Variants in GOLPH3L observed in about 807,000 individuals in gnomAD.
GOLPH3L encodes Golgi phosphoprotein 3-like.
A neutral mutation model predicts 30.3 loss-of-function variants in GOLPH3L; 22 were observed. The ratio of observed to expected loss-of-function variants is 0.73; its 90% CI spans 0.52 to 1.04. GOLPH3L has a LOEUF of 1.04. Ranked by LOEUF, GOLPH3L falls within the 50% of genes least tolerant of loss-of-function variation. The pLI is 0.00. For missense variants in GOLPH3L, 303 were observed against 345.8 expected (o/e 0.88, Z 0.98); for synonymous variants, 120 against 128.2 (o/e 0.94, Z 0.43).
At chr1:150,676,560 A>AT (rs901949495) in intron 2 of GOLPH3L, among the ~76,000 whole-genome samples, 8 of 150,966 alleles carry the variant, frequency 5.3e-5, no homozygotes, top group African/African-American at 1.7e-4. Context: ...TGTTTAGTAA[A>AT]TTTTTTTTTA....
chr1:150,655,741 G>C (rs1356143594), intron 4 of GOLPH3L, among the ~76,000 whole-genome samples: 3 of 152,120 alleles, frequency 2.0e-5, no homozygotes, highest in Non-Finnish European at 4.4e-5. Flanking sequence ...TTTTCCTCTT[G>C]GAATTCTCCA....
At chr1:150,658,343 G>A (rs1447469517) in intron 4 of GOLPH3L, among the ~76,000 whole-genome samples, 3 of 152,204 alleles carry the variant, frequency 2.0e-5, no homozygotes, top group Non-Finnish European at 4.4e-5. Flanking sequence ...ATTGCTGTGC[G>A]TATTCCTTCA....
intron 2 of GOLPH3L, among the ~76,000 whole-genome samples, chr1:150,682,661 A>G (rs897807812): frequency 7.0e-6 from 1 of 141,988 alleles, no homozygotes; most frequent in South Asian, 2.2e-4. Flanking sequence ...AAGTGTTCTC[A>G]TGTAGATCTC....
intron 4 of GOLPH3L, among the ~76,000 whole-genome samples, chr1:150,655,812 A>C (rs189536489): frequency 6.6e-6 from 1 of 152,366 alleles, no homozygotes; most frequent in African/African-American, 2.4e-5. Context: ...TAGAGCCATC[A>C]ATTCAGTTAT....
Position 150,661,866 on chromosome 1 carries a change from G to C in GOLPH3L, c.378C>G (p.Ile126Met), listed in dbSNP as rs1362447846. 8 of 1,600,770 alleles carry C rather than the reference G, an allele frequency of 5.0e-6. No individual in the cohort carries two copies. Among genetic ancestry groups the C allele is most frequent in the Non-Finnish European group, 6.9e-6 (8 of 1,167,850 alleles). ...CAGTTTCTGTGGGTTCAGTTGCTTTGATGTGTTTCAGAGTTTCATCCAGTA... is the reference window on the plus strand; with the variant it reads ...CAGTTTCTGTGGGTTCAGTTGCTTTCATGTGTTTCAGAGTTTCATCCAGTA... ...DVLLDETLKHIKATEPTETVQ... is the reference protein window; with the variant it reads ...DVLLDETLKHMKATEPTETVQ... Residue 126 changes from isoleucine (I) to methionine (M), a missense_variant, in exon 4 of 5, where the codon ATC becomes ATG. Ile to Met is a conservative substitution (Grantham distance 10, BLOSUM62 1). Transcript: ENST00000271732.
chr1:150,691,665 T>G (rs979139633), intron 2 of GOLPH3L, among the ~76,000 whole-genome samples: 6 of 152,140 alleles, frequency 3.9e-5, no homozygotes, highest in African/African-American at 1.2e-4. Flanking sequence ...AGATAATCAC[T>G]ATTCTAAAAA....
At chr1:150,689,735 C>T (rs1017927425) in intron 2 of GOLPH3L, among the ~76,000 whole-genome samples, 3 of 152,068 alleles carry the variant, frequency 2.0e-5, no homozygotes, top group Non-Finnish European at 1.5e-5. Context: ...GCCTCTGCCT[C>T]TTGGGTTCAA....
At chr1:150,668,768 CTAAT>C (rs370639503) in intron 2 of GOLPH3L, among the ~76,000 whole-genome samples, 1 of 152,024 alleles carries the variant, frequency 6.6e-6, no homozygotes, top group African/African-American at 2.4e-5. Context: ...GTTTAGCTAC[CTAAT>C]TAAAGTTAAA....
At position 150,647,422 on chromosome 1, in the gene GOLPH3L, G is replaced by A. The variant is rs1446722392; in HGVS notation, c.*899C>T. The A allele has an allele frequency of 6.6e-6, 1 of 152,650 alleles. No individual in the cohort carries two copies. The highest frequency in any genetic ancestry group is 1.5e-5 in the Non-Finnish European group (1 of 68,204). 9.5% of individuals were successfully genotyped at this position (152,650 alleles called of 1,614,324 possible). The stretch of plus-strand genomic sequence containing the variant: ...GGCAGGAGGATCCTTGAGCCCTGGA[G>A]GTCAAGGCTGCAGTCAGCTGTGATT... On this transcript the variant is annotated 3_prime_UTR_variant, in exon 5 of 5. Coordinates refer to ENST00000271732, the MANE Select transcript of GOLPH3L (RefSeq NM_018178.6).
chr1:150,648,582 T>C lies in GOLPH3L; in HGVS notation c.597A>G (p.Leu199=). The change falls in exon 5 of 5, where the codon CTA becomes CTG. Residue 199 remains leucine, a synonymous_variant. Transcript: ENST00000271732. ...PVTNTTEKQR[L]VKKLQDSVLE... is the part of the protein sequence containing the mutation. ...GTACACTATCTTGAAGTTTTTTCAC[T>C]AGTCGCTGTTTCTCTGTTGTATTGG... 6.2e-7 allele frequency: 1 copy of C among 1,614,116 alleles called. No individual in the cohort carries two copies. The highest frequency in any genetic ancestry group is 8.5e-7 in the Non-Finnish European group (1 of 1,179,958).
intron 2 of GOLPH3L, among the ~76,000 whole-genome samples, chr1:150,664,162 C>T (rs977297437): frequency 1.3e-5 from 2 of 151,932 alleles, no homozygotes; most frequent in African/African-American, 4.8e-5. Context: ...CCATGCCTGG[C>T]TGTTTTTAAA....
chr1:150,663,108 C>T (rs1029955992), intron 3 of GOLPH3L, among the ~76,000 whole-genome samples: 2 of 151,764 alleles, frequency 1.3e-5, no homozygotes, highest in Non-Finnish European at 2.9e-5. Context: ...GATCTTGGCT[C>T]ACTGCAAGCT....
At chr1:150,663,836 C>G (rs1650431969) in intron 2 of GOLPH3L, 73 bp from the exon 3 acceptor site, 2 of 1,304,270 alleles carry the variant, frequency 1.5e-6, no homozygotes, top group African/African-American at 2.9e-5. Flanking sequence ...ACCCTAAGAA[C>G]AGGCCGCTTT....
intron 2 of GOLPH3L, among the ~76,000 whole-genome samples, chr1:150,673,823 G>C (rs906804312): frequency 2.5e-4 from 38 of 150,990 alleles, no homozygotes; most frequent in African/African-American, 9.0e-4. Flanking sequence ...TACTTGGGAG[G>C]CTGAGGCAGG....
At chr1:150,658,000 G>A (rs1217689803) in intron 4 of GOLPH3L, among the ~76,000 whole-genome samples, 1 of 152,220 alleles carries the variant, frequency 6.6e-6, no homozygotes, top group Non-Finnish European at 1.5e-5. Context: ...TGGGAAATAG[G>A]TAAAATAATA....
At chr1:150,691,742 T>C (rs1651219125) in intron 2 of GOLPH3L, among the ~76,000 whole-genome samples, 1 of 152,206 alleles carries the variant, frequency 6.6e-6, no homozygotes, top group Non-Finnish European at 1.5e-5. Flanking sequence ...TCAAATACAA[T>C]AGTTTTTTGA....
intron 2 of GOLPH3L, among the ~76,000 whole-genome samples, chr1:150,674,536 T>C (rs1650726067): frequency 6.6e-6 from 1 of 152,040 alleles, no homozygotes; most frequent in Non-Finnish European, 1.5e-5. Flanking sequence ...GTGCTGGTAT[T>C]ACAGGCGTGA....
chr1:150,679,716 C>T (rs1250444979), intron 2 of GOLPH3L, among the ~76,000 whole-genome samples: 4 of 152,162 alleles, frequency 2.6e-5, no homozygotes, highest in East Asian at 3.9e-4. Context: ...GAGAATATCC[C>T]TTGAGCCCAA....
chr1:150,654,475 C>G (rs927757806), intron 4 of GOLPH3L, among the ~76,000 whole-genome samples: 13 of 151,460 alleles, frequency 8.6e-5, no homozygotes, highest in Non-Finnish European at 1.8e-4. Context: ...CCACTGCACT[C>G]CAGCCTGGGA....
Sources: gnomAD v4.1 joint callset for allele counts (sites outside exome capture counted in the v4.1 genomes callset) on GRCh38, gnomAD v4.1.1 for gene constraint, MANE v1.5 for transcripts, NCBI Gene and HGNC (gene_info 2026-07-23, HGNC 2026-07-21) for gene names.